AKTIP: variants seen among roughly 807,000 people sequenced by gnomAD.
AKTIP encodes AKT interacting protein, also known as AKT-interacting protein.
Under a neutral mutation model 39.1 loss-of-function variants are expected in AKTIP, and 16 were observed. The observed-to-expected ratio is 0.41, with a 90% CI of 0.28 to 0.62. The LOEUF (loss-of-function observed/expected upper bound fraction) is 0.62, where lower values mean the gene tolerates loss of function less well. Ranked by LOEUF, AKTIP falls within the 20% of genes least tolerant of loss-of-function variation. AKTIP has a pLI of 0.32. For missense variants in AKTIP, 262 were observed against 356.6 expected, an observed-to-expected ratio of 0.73 and a Z score of 2.14; for synonymous variants, 93 against 124.3, an observed-to-expected ratio of 0.75 and a Z score of 1.67.
chr16:53,504,175 C>A (rs1050522199), upstream of AKTIP, among the ~76,000 whole-genome samples: 4 of 147,988 alleles, frequency 2.7e-5, no homozygotes, highest in Non-Finnish European at 4.4e-5. Context: ...TGGCCTAATT[C>A]TGTGACTGCT....
Position 53,494,796 on chromosome 16 carries a change from A to G in AKTIP, c.415-191T>C, listed in dbSNP as rs571340656. The G allele has an allele frequency of 1.6e-5, 11 of 703,378 alleles. No homozygotes were observed. In the South Asian group the frequency reaches 1.8e-4, roughly 12 times the overall value. The allele number at this position is 703,378 out of a possible 1,614,324, so 43.6% of individuals were successfully genotyped here. On this transcript the variant is annotated intron_variant, in intron 5 of 9. Transcript: ENST00000394657. ...AACTAAATTTTGCAATGAAGCGGGG[A>G]AAACTCCCTCTCCTCCACTAGAGCC... is the stretch of plus-strand genomic sequence containing the variant.
chr16:53,497,011 G>A (rs1961880704), intron 3 of AKTIP, among the ~76,000 whole-genome samples: 1 of 152,000 alleles, frequency 6.6e-6, no homozygotes, highest in South Asian at 2.1e-4. Context: ...TGCCCAGGCT[G>A]GTCTTGAACT....
rs528032885 is a variant in AKTIP, at chr16:53,500,446, C to T, written c.-70-117G>A. The T allele has an allele frequency of 5.5e-5, 27 of 491,320 alleles. No individual in the cohort carries two copies. The East Asian group carries it at 1.0e-3, about 18-fold the overall frequency. 30.4% of individuals were successfully genotyped at this position (491,320 alleles called of 1,614,324 possible). On this transcript the variant is annotated intron_variant, in intron 1 of 9. Coordinates refer to ENST00000394657, the MANE Select transcript of AKTIP (RefSeq NM_022476.4). ...AGGCTGGAGTGCAGTGGTGTGATCT[C>T]GGCTCACTGCAACCTCCACCTCCTG...
chr16:53,492,427 T>C lies in AKTIP; in HGVS notation c.864A>G (p.Lys288=). 2 of 1,612,484 alleles carry C rather than the reference T, an allele frequency of 1.2e-6. No homozygotes were observed. Among genetic ancestry groups the C allele is most frequent in the Non-Finnish European group, 8.5e-7 (1 of 1,179,990 alleles). The stretch of plus-strand genomic sequence containing the variant: ...TCACCATCTCTTAAGTCGCCACTGT[T>C]TTCTCTTCTTTACTGAAAGGCTGTA... The part of the protein sequence containing the change: ...GSVQPFSKEE[K]TVAT The change falls in exon 10 of 10, where the codon AAA becomes AAG. Residue 288 remains lysine, a synonymous_variant. Coordinates refer to ENST00000394657, the MANE Select transcript of AKTIP (RefSeq NM_022476.4).
In AKTIP at chr16:53,492,303, A is replaced by T; in HGVS notation, c.*109T>A. 1.1e-6 allele frequency: 1 copy of T among 920,384 alleles called. No homozygotes were observed. The highest frequency in any genetic ancestry group is 2.4e-5 in the East Asian group (1 of 41,176). 57.0% of individuals were successfully genotyped at this position (920,384 alleles called of 1,614,324 possible). On this transcript the variant is annotated 3_prime_UTR_variant, in exon 10 of 10. Transcript: ENST00000394657. ...GCATACATGGAAAACACTGGCAGTC[A>T]GTCATTGTTCACACAGTTTTACTCT...
Position 53,494,537 on chromosome 16 carries a change from C to A in AKTIP, c.483G>T (p.Lys161Asn). 6.2e-7 allele frequency: 1 copy of A among 1,614,168 alleles called. No individual in the cohort carries two copies. The highest frequency in any genetic ancestry group is 8.5e-7 in the Non-Finnish European group (1 of 1,180,016). Residue 161 changes from lysine (K) to asparagine (N), a missense_variant, in exon 6 of 10, where the codon AAG becomes AAT. Coordinates refer to ENST00000394657, the MANE Select transcript of AKTIP (RefSeq NM_022476.4). ...VDPTSGELDV[K>N]RAFAKWRRNH... Reference sequence around the variant, plus strand: ...CTTACCTCCATTTTGCAAATGCTCTCTTCACATCCAGCTCACCTGAGGTGG... The same window carrying A: ...CTTACCTCCATTTTGCAAATGCTCTATTCACATCCAGCTCACCTGAGGTGG...
At position 53,494,149 on chromosome 16, in the gene AKTIP, G is replaced by T. The variant is rs1961678871; in HGVS notation, c.699C>A (p.Pro233=). The change falls in exon 8 of 10, where the codon CCC becomes CCA. Residue 233 remains proline, a synonymous_variant. Transcript: ENST00000394657. ...GATGCACCACTTACCTAATTGCATA[G>T]GGGTCTTCTATTTTAGGTTGGTCAA... ...RLFDQPKIED[P]YAISFSPWNP... is the part of the protein sequence containing the mutation. The T allele has an allele frequency of 1.9e-6, 3 of 1,613,406 alleles. No individual in the cohort carries two copies. Among genetic ancestry groups the T allele is most frequent in the Non-Finnish European group, 2.5e-6 (3 of 1,179,338 alleles).
At chr16:53,503,849 G>C (rs1266153428), upstream of AKTIP, among the ~76,000 whole-genome samples, 1 of 152,174 alleles carries the variant, frequency 6.6e-6, no homozygotes, top group Non-Finnish European at 1.5e-5. Flanking sequence ...ATCAGTGCAG[G>C]AGCTGAAGGC....
chr16:53,494,469 G>A (rs778654724), intron 6 of AKTIP, 32 bp from the exon 7 acceptor site: 23 of 1,613,270 alleles, frequency 1.4e-5, no homozygotes, highest in Admixed American at 5.0e-5. Context: ...TTACCGAGGC[G>A]TCCTCTTGCT....
At chr16:53,493,710 C>G (rs2150848837) in intron 8 of AKTIP, 1 of 180,206 alleles carries the variant, frequency 5.5e-6, no homozygotes, top group African/African-American at 2.4e-5. Context: ...CTCCTCCAGA[C>G]ACTGTTCCTT....
chr16:53,495,210 G>C (rs768379043), intron 4 of AKTIP, 37 bp from the exon 5 acceptor site: 1 of 1,612,738 alleles, frequency 6.2e-7, no homozygotes, highest in Non-Finnish European at 8.5e-7. Flanking sequence ...GCCTAAATTT[G>C]TGTGGGAGGA....
intron 4 of AKTIP, 36 bp downstream of exon 4, chr16:53,495,226 A>G (rs761733402): frequency 1.5e-5 from 25 of 1,613,566 alleles, no homozygotes; most frequent in Non-Finnish European, 1.9e-5. Flanking sequence ...GAGGAACTAA[A>G]TGTGCCCATA....
chr16:53,500,504 A>G (rs1156736336), intron 1 of AKTIP, among the ~76,000 whole-genome samples, 175 bp from the exon 2 acceptor site: 1 of 151,856 alleles, frequency 6.6e-6, no homozygotes, highest in Non-Finnish European at 1.5e-5. Flanking sequence ...CAGCCTCCTG[A>G]GTAGCTGGGA....
chr16:53,498,746 A>G, intron 2 of AKTIP, 150 bp from the exon 3 acceptor site: 1 of 771,642 alleles, frequency 1.3e-6, no homozygotes, highest in South Asian at 1.8e-5. Context: ...TCCTTTGGGC[A>G]GGCAGGTCAT....
intron 2 of AKTIP, among the ~76,000 whole-genome samples, chr16:53,499,715 C>T (rs1962056473): frequency 6.6e-6 from 1 of 152,076 alleles, no homozygotes; most frequent in Non-Finnish European, 1.5e-5. Flanking sequence ...CCGCCTCGGC[C>T]TCTCAAAGTG....
At chr16:53,498,803 T>A (rs560571171) in intron 2 of AKTIP, among the ~76,000 whole-genome samples, 4 of 152,242 alleles carry the variant, frequency 2.6e-5, no homozygotes, top group African/African-American at 9.6e-5. Context: ...TTAGAGAAAC[T>A]CTTTCATATA....
chr16:53,500,299 C>G lies in AKTIP; in HGVS notation c.-40G>C, dbSNP rs1384328114. 1 of 1,604,408 alleles carries G rather than the reference C, an allele frequency of 6.2e-7. No individual in the cohort carries two copies. Among genetic ancestry groups the G allele is most frequent in the East Asian group, 2.3e-5 (1 of 44,416 alleles). The stretch of plus-strand genomic sequence containing the variant: ...ACAAAGAAAGTCAGTGGTGTATCAT[C>G]CAAATCTTCTGTCTTCGGCATTCAC... On this transcript the variant is annotated 5_prime_UTR_variant, in exon 2 of 10. Coordinates refer to ENST00000394657, the MANE Select transcript of AKTIP (RefSeq NM_022476.4).
chr16:53,494,214 T>C lies in AKTIP; in HGVS notation c.634A>G (p.Lys212Glu), dbSNP rs1961684986. Residue 212 changes from lysine to glutamate, a missense_variant, in exon 8 of 10, where the codon AAA (lysine) becomes GAA (glutamate). Transcript: ENST00000394657. ...YEKDIQLFKS[K>E]VVDSVKVCTA... Reference sequence around the variant, plus strand: ...CACACCTTAACACTGTCAACAACTTTACTTTTAAAAAGCTGAATATCTTTT... The same window carrying C: ...CACACCTTAACACTGTCAACAACTTCACTTTTAAAAAGCTGAATATCTTTT... 6.2e-7 allele frequency: 1 copy of C among 1,614,238 alleles called. No homozygotes were observed. Among genetic ancestry groups the C allele is most frequent in the East Asian group, 2.2e-5 (1 of 44,892 alleles).
At chr16:53,496,523 T>TA (rs35572038) in intron 3 of AKTIP, among the ~76,000 whole-genome samples, 123 of 141,672 alleles carry the variant, frequency 8.7e-4, no homozygotes, top group South Asian at 1.8e-3. Context: ...TTTTTTGGTT[T>TA]AAAAAAAAAA....
Sources: allele counts gnomAD v4.1 joint callset (sites outside exome capture counted in the v4.1 genomes callset), GRCh38; gene constraint gnomAD v4.1.1; transcripts MANE v1.5; gene names NCBI Gene and HGNC (gene_info 2026-07-23, HGNC 2026-07-21).